POU6F2: variants seen among roughly 807,000 people sequenced by gnomAD.
POU6F2 encodes POU domain, class 6, transcription factor 2.
POU6F2 carries 31 observed loss-of-function variants against 71.3 expected under a neutral mutation model. The observed-to-expected ratio is 0.43, with a 90% CI of 0.33 to 0.59. The LOEUF is 0.59. POU6F2 is among the 20% of genes least tolerant of loss of function. POU6F2 has a pLI of 0.04. For synonymous variants in POU6F2, 347 were observed against 355.7 expected (o/e 0.98, Z 0.27); for missense variants, 783 against 856.8 (o/e 0.91, Z 1.07).
chr7:39,368,072 A>T (rs1288196685), intron 5 of POU6F2, among the ~76,000 whole-genome samples: 2 of 152,044 alleles, frequency 1.3e-5, no homozygotes, highest in African/African-American at 4.8e-5. Context: ...CCCTACAATG[A>T]CCTCCAAGTT....
chr7:39,151,625 C>A (rs1792761924), intron 2 of POU6F2, among the ~76,000 whole-genome samples: 4 of 152,154 alleles, frequency 2.6e-5, no homozygotes, highest in Admixed American at 2.6e-4. Flanking sequence ...GGAGACAATG[C>A]CTGATCCTAC....
At chr7:39,000,163 C>T (rs1414836117) in intron 1 of POU6F2, among the ~76,000 whole-genome samples, 3 of 152,138 alleles carry the variant, frequency 2.0e-5, no homozygotes, top group Admixed American at 6.5e-5. Context: ...AAATGCTTCT[C>T]CTCTCCAGGT....
chr7:38,982,003 A>G (rs910236919), intron 1 of POU6F2, among the ~76,000 whole-genome samples: 7 of 152,200 alleles, frequency 4.6e-5, no homozygotes, highest in African/African-American at 1.4e-4. Flanking sequence ...TGTAGATTTA[A>G]TAATAATTTG....
chr7:39,258,924 A>T (rs1366829084), intron 4 of POU6F2, among the ~76,000 whole-genome samples: 1 of 152,202 alleles, frequency 6.6e-6, no homozygotes, highest in African/African-American at 2.4e-5. Context: ...TAAACATATT[A>T]CACTTCTCCC....
intron 5 of POU6F2, among the ~76,000 whole-genome samples, chr7:39,398,101 A>G (rs1256717912): frequency 6.6e-6 from 1 of 152,052 alleles, no homozygotes; most frequent in East Asian, 1.9e-4. Context: ...GTAAATATTA[A>G]AGAGTGAAGC....
chr7:39,228,975 G>C lies in POU6F2; in HGVS notation c.598+21355G>C, dbSNP rs190753254. ...AGGCTTAGGCACTGAGAGCCTCCTG[G>C]CCCCATTTTTTCCTCACCACAAGTA... is the stretch of plus-strand genomic sequence containing the variant. On this transcript the variant is annotated intron_variant, in intron 4 of 9. Transcript: ENST00000518318. Among the ~76,000 whole-genome samples the C allele has an allele frequency of 2.0e-3, 308 of 152,184 alleles. 2 individuals are homozygous for C. The highest frequency in any genetic ancestry group is 7.0e-3 in the African/African-American group (290 of 41,546).
chr7:39,186,221 C>G (rs921230806), intron 2 of POU6F2, among the ~76,000 whole-genome samples: 1 of 152,164 alleles, frequency 6.6e-6, no homozygotes, highest in Non-Finnish European at 1.5e-5. Context: ...ACTTGGAACT[C>G]AGACCAGGGT....
intron 1 of POU6F2, among the ~76,000 whole-genome samples, chr7:39,021,757 T>TA (rs1333455271): frequency 1.3e-5 from 2 of 151,996 alleles, no homozygotes; most frequent in Non-Finnish European, 2.9e-5. Flanking sequence ...TTAAAATGTA[T>TA]AAAAAAATGA....
chr7:39,335,546 C>T (rs1785752568), intron 4 of POU6F2, among the ~76,000 whole-genome samples: 1 of 152,166 alleles, frequency 6.6e-6, no homozygotes, highest in Non-Finnish European at 1.5e-5. Context: ...ACAAATAATC[C>T]TGTCATGTAA....
intron 1 of POU6F2, among the ~76,000 whole-genome samples, chr7:39,010,571 G>T (rs1789245320): frequency 6.9e-6 from 1 of 145,782 alleles, no homozygotes; most frequent in Admixed American, 6.9e-5. Flanking sequence ...GCTAGCTTTT[G>T]AATGTGTTTG....
At chr7:38,995,221 T>C (rs1336283131) in intron 1 of POU6F2, among the ~76,000 whole-genome samples, 1 of 152,238 alleles carries the variant, frequency 6.6e-6, no homozygotes, top group Non-Finnish European at 1.5e-5. Context: ...CCATTCTGTG[T>C]CTTGGAGAAT....
intron 5 of POU6F2, among the ~76,000 whole-genome samples, chr7:39,362,276 G>A (rs536316134): frequency 7.4e-6 from 1 of 134,784 alleles, no homozygotes; most frequent in South Asian, 2.2e-4. Flanking sequence ...AGCTATCAAT[G>A]GCCAGAAAAA....
chr7:39,064,959 A>G (rs1790728354), intron 1 of POU6F2, among the ~76,000 whole-genome samples: 1 of 151,908 alleles, frequency 6.6e-6, no homozygotes, highest in East Asian at 1.9e-4. Context: ...AAGTTGATTA[A>G]AAACCAGCAT....
chr7:39,069,133 G>A (rs1324682729), intron 1 of POU6F2, among the ~76,000 whole-genome samples: 1 of 152,196 alleles, frequency 6.6e-6, no homozygotes, highest in African/African-American at 2.4e-5. Flanking sequence ...GAGGATTGAA[G>A]TTGAGACTTA....
intron 2 of POU6F2, among the ~76,000 whole-genome samples, chr7:39,102,312 ATGACTCT>A (rs1791591218): frequency 6.6e-6 from 1 of 152,144 alleles, no homozygotes; most frequent in South Asian, 2.1e-4. Context: ...CAACATTACA[ATGACTCT>A]TGCCTTCTGC....
chr7:39,398,422 A>G lies in POU6F2; in HGVS notation c.973-8178A>G, dbSNP rs1429778337. Among the ~76,000 whole-genome samples the G allele has an allele frequency of 1.3e-5, 2 of 152,102 alleles. 1 individual carries two copies. The highest frequency in any genetic ancestry group is 4.8e-5 in the African/African-American group (2 of 41,414). ...AAAAAAAAAAAGTCTAATGAGCCAT[A>G]TAGATCCACTATCCAGTTCCTACAA... On this transcript the variant is annotated intron_variant, in intron 5 of 9. Coordinates refer to ENST00000518318, the MANE Select transcript of POU6F2 (RefSeq NM_001370959.1).
At chr7:39,132,814 A>G (rs1474205502) in intron 2 of POU6F2, 1 of 152,180 alleles carries the variant, frequency 6.6e-6, no homozygotes, top group African/African-American at 2.4e-5. Context: ...CCTACTTAAG[A>G]TGGATTTTTT....
chr7:39,341,015 T>C (rs1785907066), intron 5 of POU6F2, among the ~76,000 whole-genome samples: 1 of 152,180 alleles, frequency 6.6e-6, no homozygotes, highest in Admixed American at 6.5e-5. Flanking sequence ...TCAAGTGCCA[T>C]CTCATCCCCT....
At chr7:39,194,379 G>C (rs191664207) in intron 2 of POU6F2, among the ~76,000 whole-genome samples, 38 of 152,362 alleles carry the variant, frequency 2.5e-4, no homozygotes, top group African/African-American at 8.4e-4. Flanking sequence ...GATCATGATA[G>C]TGAGAGGTGA....
Sources: gnomAD v4.1 joint callset for allele counts (sites outside exome capture counted in the v4.1 genomes callset) on GRCh38, gnomAD v4.1.1 for gene constraint, MANE v1.5 for transcripts, NCBI Gene and HGNC (gene_info 2026-07-23, HGNC 2026-07-21) for gene names.